The following SCN8A variants were observed in gnomAD, a reference collection of about 807,000 sequenced individuals.
The protein encoded by SCN8A is sodium channel protein type 8 subunit alpha.
SCN8A carries 30 observed loss-of-function variants against 184.1 expected under a neutral mutation model. The observed-to-expected ratio is 0.16, with a 90% CI of 0.12 to 0.22. SCN8A has a LOEUF of 0.22. Ranked by LOEUF, SCN8A falls within the 10% of genes least tolerant of loss-of-function variation. The pLI, the probability that SCN8A is intolerant of heterozygous loss-of-function variation, is 1.00. For missense variants in SCN8A, 1,057 were observed against 2,498.9 expected, an observed-to-expected ratio of 0.42 and a Z score of 12.30; for synonymous variants, 852 against 907.0, an observed-to-expected ratio of 0.94 and a Z score of 1.09.
chr12:51,770,801 A>G, intron 19 of SCN8A, 118 bp downstream of exon 19: 1 of 1,056,098 alleles, frequency 9.5e-7, no homozygotes, highest in Non-Finnish European at 1.4e-6. Context: ...TGTGGTCCCA[A>G]GAAGAATGAT....
intron 2 of SCN8A, among the ~76,000 whole-genome samples, chr12:51,667,585 G>A (rs1941056898): frequency 6.6e-6 from 1 of 151,950 alleles, no homozygotes; most frequent in Non-Finnish European, 1.5e-5. Context: ...CTTTTTCTCT[G>A]TTGCACAAAG....
At chr12:51,770,210 G>T (rs774821891) in intron 18 of SCN8A, 7 of 583,298 alleles carry the variant, frequency 1.2e-5, no homozygotes, top group Non-Finnish European at 2.1e-5. Context: ...TTTTCTCTTG[G>T]CATCAGCCCA....
chr12:51,760,051 A>G (rs1942739350), intron 14 of SCN8A, among the ~76,000 whole-genome samples: 1 of 152,194 alleles, frequency 6.6e-6, no homozygotes, highest in South Asian at 2.1e-4. Context: ...TCCTCACATG[A>G]CCTAATCACC....
chr12:51,781,346 C>G (rs751700966), intron 21 of SCN8A, among the ~76,000 whole-genome samples: 1 of 152,124 alleles, frequency 6.6e-6, no homozygotes, highest in Admixed American at 6.5e-5. Flanking sequence ...TGTTCTCAGC[C>G]CAGTCCCAAA....
intron 1 of SCN8A, among the ~76,000 whole-genome samples, chr12:51,635,092 G>A (rs540897789): frequency 7.9e-5 from 12 of 152,226 alleles, no homozygotes; most frequent in Non-Finnish European, 1.6e-4. Context: ...TGGGGCTAGA[G>A]ACAGACTGGA....
chr12:51,624,924 C>A (rs1324992092), intron 1 of SCN8A, among the ~76,000 whole-genome samples: 1 of 148,804 alleles, frequency 6.7e-6, no homozygotes, highest in East Asian at 2.0e-4. Flanking sequence ...TATAGGCCAG[C>A]TTTTTTTTTT....
chr12:51,782,155 A>G (rs1020883710), intron 21 of SCN8A, among the ~76,000 whole-genome samples: 8 of 152,252 alleles, frequency 5.3e-5, no homozygotes, highest in African/African-American at 1.7e-4. Context: ...AACCATCTGC[A>G]GGAAGGGCAG....
chr12:51,767,107 A>G (rs1942849855), intron 16 of SCN8A, among the ~76,000 whole-genome samples: 1 of 152,186 alleles, frequency 6.6e-6, no homozygotes, highest in South Asian at 2.1e-4. Context: ...GTAATGTTTA[A>G]TTCTTCCTAT....
chr12:51,807,529 C>G lies in SCN8A; in HGVS notation c.*100C>G. 8.0e-7 allele frequency: 1 copy of G among 1,255,012 alleles called. No individual in the cohort carries two copies. Among genetic ancestry groups the G allele is most frequent in the East Asian group, 2.5e-5 (1 of 39,544 alleles). The allele number at this position is 1,255,012 out of a possible 1,614,324, so 77.7% of individuals were successfully genotyped here. On this transcript the variant is annotated 3_prime_UTR_variant, in exon 27 of 27. Coordinates refer to ENST00000627620, the MANE Select transcript of SCN8A (RefSeq NM_001330260.2). This position sits in a 1 kb window ranked among gnomAD's most constrained non-coding sequence, Gnocchi z 4.5. ...TATCAATGCAGAACAGCTGTGGAGA[C>G]TCTAACCTGAAGATCTATACCAAAC...
intron 1 of SCN8A, among the ~76,000 whole-genome samples, chr12:51,640,030 G>C (rs1020973040): frequency 6.8e-6 from 1 of 146,050 alleles, no homozygotes; most frequent in Non-Finnish European, 1.5e-5. Flanking sequence ...ACCTCAGCTG[G>C]GTAGCTGGGA....
chr12:51,633,106 A>C (rs905215535), intron 1 of SCN8A, among the ~76,000 whole-genome samples: 1 of 152,164 alleles, frequency 6.6e-6, no homozygotes, highest in Non-Finnish European at 1.5e-5. Context: ...TGTATAGAGA[A>C]ACTACAACAC....
intron 20 of SCN8A, among the ~76,000 whole-genome samples, chr12:51,777,237 G>A (rs1937731796): frequency 6.6e-6 from 1 of 151,880 alleles, no homozygotes; most frequent in African/African-American, 2.4e-5. Context: ...TGCAACCATA[G>A]ATGCCCTGAA....
At position 51,622,226 on chromosome 12, in the gene SCN8A, A is replaced by G. The variant is rs938466132; in HGVS notation, c.-55+30867A>G. ...AGGGGAATACGGAGAATTCCTGTATATGCCTCACCTGGTTTCCCATAATGT... is the reference window on the plus strand; with the variant it reads ...AGGGGAATACGGAGAATTCCTGTATGTGCCTCACCTGGTTTCCCATAATGT... On this transcript the variant is annotated intron_variant, in intron 1 of 26. Coordinates refer to ENST00000627620, the MANE Select transcript of SCN8A (RefSeq NM_001330260.2). 1.1e-4 allele frequency among the ~76,000 whole-genome samples: 17 copies of G among 152,228 alleles called. 1 individual carries two copies. The highest frequency in any genetic ancestry group is 2.6e-4 in the Admixed American group (4 of 15,278).
chr12:51,594,387 A>C (rs1939298813), intron 1 of SCN8A, among the ~76,000 whole-genome samples: 1 of 152,204 alleles, frequency 6.6e-6, no homozygotes. Context: ...TCTGTAGAGA[A>C]CATACAAGAA....
chr12:51,686,359 C>G lies in SCN8A; in HGVS notation c.396-9C>G. 1 of 1,587,646 alleles carries G rather than the reference C, an allele frequency of 6.3e-7. No homozygotes were observed. The highest frequency in any genetic ancestry group is 8.6e-7 in the Non-Finnish European group (1 of 1,157,696). On this transcript the variant is annotated splice_polypyrimidine_tract_variant and intron_variant, in intron 3 of 26. Transcript: ENST00000627620. ...CAGATTTTAATATTGCCCCTTGACTCTTCTCTACAGTATTTAGCATGATCA... is the reference window on the plus strand; with the variant it reads ...CAGATTTTAATATTGCCCCTTGACTGTTCTCTACAGTATTTAGCATGATCA...
In SCN8A at chr12:51,806,493, G is replaced by C. The variant is rs371439977; in HGVS notation, c.5007G>C (p.Gly1669=). The change falls in exon 27 of 27, where the codon GGG becomes GGC. Residue 1669 remains glycine, a synonymous_variant. Transcript: ENST00000627620. The surrounding 1 kb of genome is among the most constrained non-coding windows in gnomAD (Gnocchi z 8.7). ...TCATGTTCATCTTCTCCATTTTTGG[G>C]ATGTCCAATTTTGCATATGTGAAGC... ...FLVMFIFSIF[G]MSNFAYVKHE... The C allele has an allele frequency of 2.5e-6, 4 of 1,614,004 alleles. No homozygotes were observed. In the African/African-American group the frequency reaches 5.3e-5, roughly 22 times the overall value.
At chr12:51,798,891 T>G (rs1248013910) in intron 26 of SCN8A, among the ~76,000 whole-genome samples, 1 of 152,196 alleles carries the variant, frequency 6.6e-6, no homozygotes, top group Non-Finnish European at 1.5e-5. Context: ...GCCAAACCAT[T>G]TGCTACAGCC....
At chr12:51,599,569 T>C (rs529642493) in intron 1 of SCN8A, among the ~76,000 whole-genome samples, 112 of 152,314 alleles carry the variant, frequency 7.4e-4, no homozygotes, top group African/African-American at 2.6e-3. Flanking sequence ...CTTTTTGAAG[T>C]TTCATTCATA....
chr12:51,767,143 C>T (rs1037900818), intron 16 of SCN8A, among the ~76,000 whole-genome samples: 2 of 152,242 alleles, frequency 1.3e-5, no homozygotes, highest in Non-Finnish European at 2.9e-5. Flanking sequence ...ACCTTTCCCT[C>T]AGTCCTAATC....
Sources: gnomAD v4.1 joint callset for allele counts (sites outside exome capture counted in the v4.1 genomes callset) on GRCh38, gnomAD v4.1.1 for gene constraint, Gnocchi (gnomAD v3.1) non-coding constraint, MANE v1.5 for transcripts, NCBI Gene and HGNC (gene_info 2026-07-23, HGNC 2026-07-21) for gene names.